SOD3: variants seen among roughly 807,000 people sequenced by gnomAD.
The protein encoded by SOD3 is extracellular superoxide dismutase [Cu-Zn].
SOD3 carries 3 observed loss-of-function variants against 2.6 expected under a neutral mutation model. The ratio of observed to expected loss-of-function variants is 1.13; its 90% CI spans 0.52 to 2.93. The LOEUF (loss-of-function observed/expected upper bound fraction) is 2.93, where lower values mean the gene tolerates loss of function less well. Ranked by LOEUF, SOD3 falls within the 30% of genes most tolerant of loss-of-function variation. The pLI is 0.04. For missense variants in SOD3, 379 were observed against 370.4 expected, an observed-to-expected ratio of 1.02 and a Z score of -0.19; for synonymous variants, 188 against 177.5, an observed-to-expected ratio of 1.06 and a Z score of -0.47.
Position 24,800,440 on chromosome 4 carries a change from C to T in SOD3, c.*196C>T. 1 of 452,744 alleles carries T rather than the reference C, an allele frequency of 2.2e-6. No homozygotes were observed. 28.0% of individuals were successfully genotyped at this position (452,744 alleles called of 1,614,324 possible). A position where few individuals can be genotyped will look rare whatever the true frequency, so the allele number is the denominator to read the frequency against. ...CCTTCCATCCTGAGGACCGCCCCAACCCTCGGAGCCCCCCACTCAGTAGGT... is the reference window on the plus strand; with the variant it reads ...CCTTCCATCCTGAGGACCGCCCCAATCCTCGGAGCCCCCCACTCAGTAGGT... On this transcript the variant is annotated 3_prime_UTR_variant, in exon 2 of 2. Transcript: ENST00000382120.
At chr4:24,797,676 G>A (rs1309808247) in intron 1 of SOD3, among the ~76,000 whole-genome samples, 2 of 152,222 alleles carry the variant, frequency 1.3e-5, no homozygotes, top group Non-Finnish European at 2.9e-5. Context: ...AAGTGGCAGA[G>A]TCAGGCTTTA....
In SOD3 at chr4:24,799,883, T is replaced by G; in HGVS notation, c.362T>G (p.Leu121Arg). The G allele has an allele frequency of 6.2e-7, 1 of 1,602,382 alleles. No homozygotes were observed. Among genetic ancestry groups the G allele is most frequent in the Non-Finnish European group, 8.5e-7 (1 of 1,179,112 alleles). Residue 121 changes from leucine to arginine, a missense_variant, in exon 2 of 2, where the codon CTG (leucine) becomes CGG (arginine). By Grantham distance (102) the Leu-to-Arg change is moderately radical. Coordinates refer to ENST00000382120, the MANE Select transcript of SOD3 (RefSeq NM_003102.4). ...ATCCACGTGCACCAGTTCGGGGACCTGAGCCAGGGCTGCGAGTCCACCGGG... is the reference window on the plus strand; with the variant it reads ...ATCCACGTGCACCAGTTCGGGGACCGGAGCCAGGGCTGCGAGTCCACCGGG... ...RAIHVHQFGD[L>R]SQGCESTGPH...
At chr4:24,796,572 T>G (rs1025201340) in intron 1 of SOD3, among the ~76,000 whole-genome samples, 18 of 143,734 alleles carry the variant, frequency 1.3e-4, no homozygotes, top group African/African-American at 4.4e-4. Context: ...TCCTCCTACC[T>G]CAACCTCCTG....
intron 1 of SOD3, among the ~76,000 whole-genome samples, chr4:24,795,857 C>T (rs1466635227): frequency 1.3e-5 from 2 of 152,042 alleles, no homozygotes; most frequent in African/African-American, 4.8e-5. Flanking sequence ...GAAACCGTTC[C>T]TCCTGTGGAT....
At chr4:24,797,938 G>A (rs1713718816) in intron 1 of SOD3, among the ~76,000 whole-genome samples, 1 of 152,148 alleles carries the variant, frequency 6.6e-6, no homozygotes, top group African/African-American at 2.4e-5. Flanking sequence ...GTAACCCCGT[G>A]AAGTCACAGT....
chr4:24,797,115 C>T (rs1713688430), intron 1 of SOD3, among the ~76,000 whole-genome samples: 1 of 152,210 alleles, frequency 6.6e-6, no homozygotes, highest in Admixed American at 6.5e-5. Context: ...TCAAGGGGAC[C>T]TCCTCTCACA....
Position 24,799,716 on chromosome 4 carries a change from G to T in SOD3, c.195G>T (p.Val65=). 6.4e-7 allele frequency: 1 copy of T among 1,568,000 alleles called. No homozygotes were observed. ...DDGALHAACQ[V]QPSATLDAAQ... Reference sequence around the variant, plus strand: ...GCGCGCTCCACGCCGCCTGCCAGGTGCAGCCGTCGGCCACGCTGGACGCCG... The same window carrying T: ...GCGCGCTCCACGCCGCCTGCCAGGTTCAGCCGTCGGCCACGCTGGACGCCG... The change falls in exon 2 of 2, where the codon GTG becomes GTT. Residue 65 remains valine, a synonymous_variant. Coordinates refer to ENST00000382120, the MANE Select transcript of SOD3 (RefSeq NM_003102.4).
chr4:24,797,864 T>A (rs1713716583), intron 1 of SOD3, among the ~76,000 whole-genome samples: 1 of 152,198 alleles, frequency 6.6e-6, no homozygotes, highest in Non-Finnish European at 1.5e-5. Flanking sequence ...TCAATCCCTC[T>A]GGAAATACCT....
chr4:24,796,526 G>A (rs915888754), intron 1 of SOD3, among the ~76,000 whole-genome samples: 4 of 125,684 alleles, frequency 3.2e-5, no homozygotes, highest in Admixed American at 2.1e-4. Flanking sequence ...TCACTATCAC[G>A]GCTCACTACA....
chr4:24,796,622 A>ATTTT (rs58441391), intron 1 of SOD3, among the ~76,000 whole-genome samples: 2,068 of 126,104 alleles, frequency 0.016, 86 homozygotes, highest in African/African-American at 0.061. Context: ...ACACCCAGCT[A>ATTTT]TTTTTTTTTT....
chr4:24,800,565 A>C lies in SOD3; in HGVS notation c.*321A>C. 6.4e-5 allele frequency: 14 copies of C among 217,348 alleles called. No homozygotes were observed. Among genetic ancestry groups the C allele is most frequent in the Middle Eastern group, 1.6e-3 (1 of 612 alleles). 13.5% of individuals were successfully genotyped at this position (217,348 alleles called of 1,614,324 possible). A position where few individuals can be genotyped will look rare whatever the true frequency, so the allele number is the denominator to read the frequency against. On this transcript the variant is annotated 3_prime_UTR_variant, in exon 2 of 2. Coordinates refer to ENST00000382120, the MANE Select transcript of SOD3 (RefSeq NM_003102.4). ...CCCAGACCCTCCTTCCCCACCCCATAAGCCCTGAGACTCCCGCCTTTGACC... is the reference window on the plus strand; with the variant it reads ...CCCAGACCCTCCTTCCCCACCCCATCAGCCCTGAGACTCCCGCCTTTGACC...
intron 1 of SOD3, among the ~76,000 whole-genome samples, chr4:24,796,062 A>C (rs1025384393): frequency 1.3e-5 from 2 of 152,150 alleles, no homozygotes; most frequent in East Asian, 3.9e-4. Flanking sequence ...AGCTCCTTCT[A>C]GGAGACAGCT....
At chr4:24,796,472 C>T (rs1713666102) in intron 1 of SOD3, among the ~76,000 whole-genome samples, 1 of 90,470 alleles carries the variant, frequency 1.1e-5, no homozygotes, top group Non-Finnish European at 1.9e-5. Context: ...GAGACATGGT[C>T]TCATTCTGTC....
At chr4:24,796,559 C>T (rs2695231) in intron 1 of SOD3, among the ~76,000 whole-genome samples, 75,235 of 147,302 alleles carry the variant, frequency 0.51, 22,821 homozygotes, top group Non-Finnish European at 0.67. Context: ...CGGGCTCAAG[C>T]GATCCTCCTA....
In SOD3 at chr4:24,800,417, T is replaced by G. The variant is rs1713857200; in HGVS notation, c.*173T>G. 8.2e-6 allele frequency: 5 copies of G among 609,572 alleles called. No individual in the cohort carries two copies. The East Asian group carries it at 1.8e-4, about 22-fold the overall frequency. The allele number at this position is 609,572 out of a possible 1,614,324, so 37.8% of individuals were successfully genotyped here. A position where few individuals can be genotyped will look rare whatever the true frequency, so the allele number is the denominator to read the frequency against. ...CTCCCTATACCGAGACCCACCATCCTTCCATCCTGAGGACCGCCCCAACCC... is the reference window on the plus strand; with the variant it reads ...CTCCCTATACCGAGACCCACCATCCGTCCATCCTGAGGACCGCCCCAACCC... On this transcript the variant is annotated 3_prime_UTR_variant, in exon 2 of 2. Coordinates refer to ENST00000382120, the MANE Select transcript of SOD3 (RefSeq NM_003102.4).
Position 24,800,484 on chromosome 4 carries a change from A to T in SOD3, c.*240A>T, listed in dbSNP as rs974896832. On this transcript the variant is annotated 3_prime_UTR_variant, in exon 2 of 2. Coordinates refer to ENST00000382120, the MANE Select transcript of SOD3 (RefSeq NM_003102.4). ...AGTAGGTCTGAAGGCCTCCATTTGTACCGAAACACCCCGCTCACGCTGACA... is the reference window on the plus strand; with the variant it reads ...AGTAGGTCTGAAGGCCTCCATTTGTTCCGAAACACCCCGCTCACGCTGACA... 2.6e-6 allele frequency: 1 copy of T among 379,676 alleles called. No individual in the cohort carries two copies. Among genetic ancestry groups the T allele is most frequent in the Non-Finnish European group, 4.8e-6 (1 of 206,626 alleles). The allele number at this position is 379,676 out of a possible 1,614,324, so 23.5% of individuals were successfully genotyped here.
chr4:24,795,736 T>C (rs1324795338), intron 1 of SOD3, 85 bp downstream of exon 1: 2 of 152,500 alleles, frequency 1.3e-5, no homozygotes, highest in African/African-American at 4.8e-5. Flanking sequence ...GGGCCTCTTC[T>C]TGGGAACAAA....
In SOD3 at chr4:24,799,994, G is replaced by C; in HGVS notation, c.473G>C (p.Arg158Thr). The C allele has an allele frequency of 6.3e-7, 1 of 1,574,892 alleles. No individual in the cohort carries two copies. ...NFAVRDGSLW[R>T]YRAGLAASLA... ...GCGGTCCGCGACGGCAGCCTCTGGA[G>C]GTACCGCGCCGGCCTGGCCGCCTCG... The change falls in exon 2 of 2, where the codon AGG (arginine) becomes ACG (threonine). Residue 158 changes from arginine to threonine, a missense_variant. Physicochemically the swap from Arg to Thr is moderately conservative, Grantham distance 71. Coordinates refer to ENST00000382120, the MANE Select transcript of SOD3 (RefSeq NM_003102.4).
In SOD3 at chr4:24,798,459, G is replaced by T. The variant is rs900596594; in HGVS notation, c.-16-1047G>T. On this transcript the variant is annotated intron_variant, in intron 1 of 1. Transcript: ENST00000382120. ...TGTCTCTTAAACCCATGCCTCCTCT[G>T]TGTGCACCACCTGCACTTTGGTAAA... is the stretch of plus-strand genomic sequence containing the variant. Among the ~76,000 whole-genome samples, 5 of 152,084 alleles carry T rather than the reference G, an allele frequency of 3.3e-5. No individual in the cohort carries two copies. The East Asian group carries it at 7.7e-4, about 24-fold the overall frequency.
Sources: allele counts gnomAD v4.1 joint callset (sites outside exome capture counted in the v4.1 genomes callset), GRCh38; gene constraint gnomAD v4.1.1; transcripts MANE v1.5; gene names NCBI Gene and HGNC (gene_info 2026-07-23, HGNC 2026-07-21).